ANO3: variants seen among roughly 807,000 people sequenced by gnomAD.
ANO3 encodes the protein anoctamin-3.
In ANO3, 99 loss-of-function variants were observed where a neutral mutation model predicts 144.8. The observed-to-expected ratio is 0.68, with a 90% CI of 0.58 to 0.81. ANO3 has a LOEUF of 0.81. ANO3 is among the 30% of genes least tolerant of loss of function. ANO3 has a pLI of 0.00. For missense variants in ANO3, 905 were observed against 1,202.2 expected (o/e 0.75, Z 3.66); for synonymous variants, 414 against 392.6 (o/e 1.05, Z -0.64).
At chr11:26,337,212 C>T (rs1855216739) in intron 1 of ANO3, among the ~76,000 whole-genome samples, 1 of 152,118 alleles carries the variant, frequency 6.6e-6, no homozygotes, top group African/African-American at 2.4e-5. Flanking sequence ...GCATATATAC[C>T]TCAGATGGCT....
chr11:26,310,438 T>C (rs1015186967), intron 1 of ANO3, among the ~76,000 whole-genome samples: 12 of 152,174 alleles, frequency 7.9e-5, no homozygotes, highest in South Asian at 2.1e-4. Context: ...GAGTTAAACA[T>C]TGGCCATACT....
chr11:26,432,740 A>G (rs543713307), intron 1 of ANO3, among the ~76,000 whole-genome samples: 17 of 152,046 alleles, frequency 1.1e-4, no homozygotes, highest in Admixed American at 1.3e-4. Context: ...CACATTCTCT[A>G]TGCTGCTCCT....
intron 14 of ANO3, chr11:26,565,987 G>C (rs1357490497): frequency 5.6e-6 from 7 of 1,239,412 alleles, no homozygotes; most frequent in Non-Finnish European, 7.6e-6. Flanking sequence ...TAAAAATCTA[G>C]ACATAATATA....
At chr11:26,306,133 T>TAA (rs1854376320), upstream of ANO3, among the ~76,000 whole-genome samples, 1 of 149,378 alleles carries the variant, frequency 6.7e-6, no homozygotes, top group African/African-American at 2.5e-5. Flanking sequence ...TAATTTTTTT[T>TAA]TTTTTTTTTT....
chr11:26,444,787 A>C (rs1174294821), intron 3 of ANO3, among the ~76,000 whole-genome samples: 1 of 152,192 alleles, frequency 6.6e-6, no homozygotes, highest in Non-Finnish European at 1.5e-5. Context: ...GGTATTTATA[A>C]TAGCATTCTG....
chr11:26,312,015 A>T (rs528719473), intron 1 of ANO3, among the ~76,000 whole-genome samples: 1 of 152,238 alleles, frequency 6.6e-6, no homozygotes, highest in African/African-American at 2.4e-5. Flanking sequence ...CAACCCCACA[A>T]CAGGCCCCGG....
intron 4 of ANO3, among the ~76,000 whole-genome samples, chr11:26,469,237 T>C (rs1461466934): frequency 6.6e-6 from 1 of 151,990 alleles, no homozygotes; most frequent in Non-Finnish European, 1.5e-5. Context: ...TGATTGCTAG[T>C]GTAAATTTTC....
intron 1 of ANO3, among the ~76,000 whole-genome samples, chr11:26,210,706 G>T (rs1204266575): frequency 1.3e-5 from 2 of 152,098 alleles, no homozygotes; most frequent in South Asian, 4.1e-4. Flanking sequence ...CACATCCCTT[G>T]TAAGTTGTAT....
At chr11:26,280,908 G>A (rs901293773) in intron 1 of ANO3, among the ~76,000 whole-genome samples, 5 of 152,138 alleles carry the variant, frequency 3.3e-5, no homozygotes, top group African/African-American at 1.2e-4. Context: ...CAGCAATTGG[G>A]AAGCTGGACA....
At chr11:26,402,045 T>C (rs1857160323) in intron 1 of ANO3, among the ~76,000 whole-genome samples, 1 of 152,106 alleles carries the variant, frequency 6.6e-6, no homozygotes, top group African/African-American at 2.4e-5. Context: ...TAGTCTTTTA[T>C]AGATGAGCAT....
At chr11:26,640,689 C>T (rs1853120261) in intron 21 of ANO3, among the ~76,000 whole-genome samples, 1 of 152,072 alleles carries the variant, frequency 6.6e-6, no homozygotes, top group Non-Finnish European at 1.5e-5. Flanking sequence ...CGCTAGGGGT[C>T]AGTCTGGATC....
At chr11:26,273,305 A>T (rs1197914134) in intron 1 of ANO3, among the ~76,000 whole-genome samples, 1 of 151,342 alleles carries the variant, frequency 6.6e-6, no homozygotes, top group East Asian at 1.9e-4. Flanking sequence ...AAGGCATCCA[A>T]GTGGTCTATT....
chr11:26,499,837 AT>A (rs764521680), intron 4 of ANO3, among the ~76,000 whole-genome samples: 21 of 151,998 alleles, frequency 1.4e-4, no homozygotes, highest in Non-Finnish European at 1.5e-4. Flanking sequence ...TTAATCACCC[AT>A]TTAAAGTATT....
chr11:26,615,414 A>ATAT (rs1352935016), intron 17 of ANO3, among the ~76,000 whole-genome samples: 8 of 130,688 alleles, frequency 6.1e-5, no homozygotes, highest in South Asian at 2.3e-4. Flanking sequence ...ATATATATAT[A>ATAT]TTTTTTTTTT....
chr11:26,340,522 T>A (rs4922756), intron 1 of ANO3, among the ~76,000 whole-genome samples: 150,528 of 152,322 alleles, frequency 0.99, 74,401 homozygotes, highest in Middle Eastern at 1. Flanking sequence ...ACCTACCGAA[T>A]CTAAACTCCA....
chr11:26,264,108 A>G (rs1463432683), intron 1 of ANO3, among the ~76,000 whole-genome samples: 1 of 152,220 alleles, frequency 6.6e-6, no homozygotes, highest in Non-Finnish European at 1.5e-5. Context: ...GGTAGGGCCC[A>G]TGTGGGCTGA....
At chr11:26,344,258 A>G (rs908086436) in intron 1 of ANO3, among the ~76,000 whole-genome samples, 3 of 152,126 alleles carry the variant, frequency 2.0e-5, no homozygotes, top group Admixed American at 6.5e-5. Context: ...TTTTTTATGC[A>G]TCTTATAATA....
intron 13 of ANO3, 34 bp downstream of exon 13, chr11:26,553,379 C>A: frequency 6.8e-7 from 1 of 1,470,798 alleles, no homozygotes; most frequent in Non-Finnish European, 9.5e-7. Flanking sequence ...CCTCCCTGAG[C>A]TGTACTGAGA....
At chr11:26,632,788 A>G (rs1413318914) in intron 18 of ANO3, among the ~76,000 whole-genome samples, 2 of 152,136 alleles carry the variant, frequency 1.3e-5, no homozygotes, top group Non-Finnish European at 2.9e-5. Context: ...GACAATGCTG[A>G]AATAAAATTA....
Sources: gnomAD v4.1 joint callset for allele counts (sites outside exome capture counted in the v4.1 genomes callset) on GRCh38, gnomAD v4.1.1 for gene constraint, MANE v1.5 for transcripts, NCBI Gene and HGNC (gene_info 2026-07-23, HGNC 2026-07-21) for gene names.